RAD54L2: variants seen among roughly 807,000 people sequenced by gnomAD.
RAD54L2 encodes the protein helicase ARIP4.
In RAD54L2, 27 loss-of-function variants were observed where a neutral mutation model predicts 138.4. The ratio of observed to expected loss-of-function variants is 0.20; its 90% CI spans 0.14 to 0.27. The LOEUF (loss-of-function observed/expected upper bound fraction) is 0.27, where lower values mean the gene tolerates loss of function less well. Among genes scored for constraint, RAD54L2 ranks in the 10% least tolerant of loss-of-function variants. The probability of loss-of-function intolerance (pLI) is 1.00; values close to 1 mark genes in which losing one functional copy is unlikely to be tolerated. For missense variants in RAD54L2, 1,396 were observed against 1,890.2 expected, an observed-to-expected ratio of 0.74 and a Z score of 4.85; for synonymous variants, 644 against 723.2, an observed-to-expected ratio of 0.89 and a Z score of 1.76.
chr3:51,623,654 C>T (rs187187532), intron 3 of RAD54L2, among the ~76,000 whole-genome samples: 2 of 152,250 alleles, frequency 1.3e-5, no homozygotes, highest in African/African-American at 2.4e-5. Context: ...TATAACTTCT[C>T]AGGGCTTCAA....
chr3:51,558,346 G>C (rs1699021126), intron 2 of RAD54L2, among the ~76,000 whole-genome samples: 1 of 152,072 alleles, frequency 6.6e-6, no homozygotes, highest in Non-Finnish European at 1.5e-5. Flanking sequence ...TTTCTTAGAT[G>C]TTTAGAGGAA....
At chr3:51,573,414 A>T (rs947613137) in intron 2 of RAD54L2, among the ~76,000 whole-genome samples, 1 of 152,174 alleles carries the variant, frequency 6.6e-6, no homozygotes, top group Non-Finnish European at 1.5e-5. Flanking sequence ...CTAACTACAG[A>T]GAATAGTCAG....
chr3:51,605,159 C>T (rs1431072797), intron 3 of RAD54L2, among the ~76,000 whole-genome samples: 9 of 149,468 alleles, frequency 6.0e-5, no homozygotes, highest in Non-Finnish European at 7.4e-5. Flanking sequence ...GCGCGATCTC[C>T]GCTCGCTGCA....
chr3:51,565,828 A>ACC (rs1317678403), intron 2 of RAD54L2, among the ~76,000 whole-genome samples: 3 of 94,308 alleles, frequency 3.2e-5, no homozygotes, highest in Admixed American at 1.1e-4. Flanking sequence ...GAGCTCCCCC[A>ACC]CCCCCCCCTT....
Position 51,656,125 on chromosome 3 carries a change from T to C in RAD54L2, c.3181T>C (p.Leu1061=), listed in dbSNP as rs1353041746. The change falls in exon 20 of 23, where the codon TTG becomes CTG. Residue 1061 remains leucine, a synonymous_variant. Transcript: ENST00000684192. ...NPSMNFPINY[L]QRAGVLVQKV... Reference sequence around the variant, plus strand: ...ATCCATGAACTTTCCCATCAACTACTTGCAGCGTGCAGGAGTCCTTGTGCA... The same window carrying C: ...ATCCATGAACTTTCCCATCAACTACCTGCAGCGTGCAGGAGTCCTTGTGCA... 1.2e-6 allele frequency: 2 copies of C among 1,613,866 alleles called. No individual in the cohort carries two copies. The highest frequency in any genetic ancestry group is 1.7e-5 in the Admixed American group (1 of 60,008).
intron 2 of RAD54L2, among the ~76,000 whole-genome samples, chr3:51,564,129 T>C (rs1384963855): frequency 1.3e-5 from 2 of 152,220 alleles, no homozygotes; most frequent in Non-Finnish European, 2.9e-5. Context: ...TTGAGGCTGC[T>C]CCCAGTGCCT....
At chr3:51,551,193 C>T (rs1222921795) in intron 2 of RAD54L2, among the ~76,000 whole-genome samples, 1 of 151,896 alleles carries the variant, frequency 6.6e-6, no homozygotes, top group African/African-American at 2.4e-5. Flanking sequence ...AATGCAGTGG[C>T]ATGATGATAG....
chr3:51,626,938 C>T (rs541440265), intron 3 of RAD54L2, among the ~76,000 whole-genome samples: 2 of 152,240 alleles, frequency 1.3e-5, no homozygotes, highest in African/African-American at 2.4e-5. Flanking sequence ...GCACACCTTG[C>T]CATGTTGAGT....
intron 21 of RAD54L2, among the ~76,000 whole-genome samples, chr3:51,658,074 G>GCCAC (rs1701654451): frequency 6.6e-6 from 1 of 151,454 alleles, no homozygotes; most frequent in Non-Finnish European, 1.5e-5. Flanking sequence ...ACAGGCATGC[G>GCCAC]CCACCACGCA....
At chr3:51,601,927 G>C (rs781724096) in intron 3 of RAD54L2, among the ~76,000 whole-genome samples, 1 of 151,678 alleles carries the variant, frequency 6.6e-6, no homozygotes, top group Non-Finnish European at 1.5e-5. Context: ...TGCGATCTCG[G>C]CTTACTGCAA....
chr3:51,663,594 CAAAAAAAAAAA>C lies in RAD54L2; in HGVS notation c.*188_*198del, dbSNP rs34235841. 3.5e-4 allele frequency: 19 copies of C among 54,838 alleles called. No individual in the cohort carries two copies. The highest frequency in any genetic ancestry group is 1.4e-3 in the East Asian group (3 of 2,210). The allele number at this position is 54,838 out of a possible 1,614,324, so 3.4% of individuals were successfully genotyped here. ...CTCTGTTGCTGTTTAACAAAAGAGG[CAAAAAAAAAAA>C]AAAAAAAAAAAAAGTCCAACACAGC... On this transcript the variant is annotated 3_prime_UTR_variant, in exon 23 of 23. Transcript: ENST00000684192.
rs1452858182 is a variant in RAD54L2, at chr3:51,637,620, A to G, written c.1682+117A>G. 3.9e-6 allele frequency: 4 copies of G among 1,029,762 alleles called. No homozygotes were observed. Among genetic ancestry groups the G allele is most frequent in the Non-Finnish European group, 4.1e-6 (3 of 726,096 alleles). The allele number at this position is 1,029,762 out of a possible 1,614,324, so 63.8% of individuals were successfully genotyped here. Reference sequence around the variant, plus strand: ...AGTAGGAGGGCCCCTTCCCTGGGGCAGTAGTAAAACTTTGCTTCCTGTGAC... The same window carrying G: ...AGTAGGAGGGCCCCTTCCCTGGGGCGGTAGTAAAACTTTGCTTCCTGTGAC... On this transcript the variant is annotated intron_variant, in intron 11 of 22. Coordinates refer to ENST00000684192, the MANE Select transcript of RAD54L2 (RefSeq NM_015106.4). The surrounding 1 kb of genome is among the most constrained non-coding windows in gnomAD (Gnocchi z 5.9).
intron 19 of RAD54L2, among the ~76,000 whole-genome samples, chr3:51,650,902 C>G (rs1577462007): frequency 6.6e-6 from 1 of 152,102 alleles, no homozygotes; most frequent in African/African-American, 2.4e-5. Context: ...CAAACAAATT[C>G]AAAAGCTAGC....
intron 2 of RAD54L2, among the ~76,000 whole-genome samples, chr3:51,586,490 G>A (rs964639104): frequency 6.6e-6 from 1 of 151,344 alleles, no homozygotes; most frequent in Non-Finnish European, 1.5e-5. Context: ...AGAATGACAG[G>A]CATTCAGGTT....
chr3:51,575,496 C>T (rs1415517487), intron 2 of RAD54L2, among the ~76,000 whole-genome samples: 3 of 152,134 alleles, frequency 2.0e-5, no homozygotes. Flanking sequence ...AATGTTCTTC[C>T]ATTTGTTTGT....
intron 22 of RAD54L2, 56 bp downstream of exon 22, chr3:51,660,174 T>G: frequency 7.0e-7 from 1 of 1,419,946 alleles, no homozygotes; most frequent in East Asian, 2.4e-5. Context: ...TTTGCTTTGT[T>G]TTGGTTAGGT....
intron 10 of RAD54L2, among the ~76,000 whole-genome samples, chr3:51,636,485 A>G (rs1289864036): frequency 6.6e-6 from 1 of 152,244 alleles, no homozygotes; most frequent in East Asian, 1.9e-4. Flanking sequence ...GACGCTGGCA[A>G]TGGTGAGAGC....
chr3:51,566,818 A>G (rs1037415768), intron 2 of RAD54L2, among the ~76,000 whole-genome samples: 1 of 152,096 alleles, frequency 6.6e-6, no homozygotes, highest in Non-Finnish European at 1.5e-5. Context: ...TCATTTGCCT[A>G]GGACCACTTT....
At chr3:51,606,395 T>A (rs1317534304) in intron 3 of RAD54L2, among the ~76,000 whole-genome samples, 1 of 152,104 alleles carries the variant, frequency 6.6e-6, no homozygotes, top group Admixed American at 6.6e-5. Flanking sequence ...GATTCTTAGG[T>A]ATACTCTTTA....
Sources: gnomAD v4.1 joint callset for allele counts (sites outside exome capture counted in the v4.1 genomes callset) on GRCh38, gnomAD v4.1.1 for gene constraint, Gnocchi (gnomAD v3.1) non-coding constraint, MANE v1.5 for transcripts, NCBI Gene and HGNC (gene_info 2026-07-23, HGNC 2026-07-21) for gene names.